The following PBRM1 variants were observed in gnomAD, a reference collection of about 807,000 sequenced individuals.
The protein encoded by PBRM1 is polybromo 1.
Under a neutral mutation model 194.5 loss-of-function variants are expected in PBRM1, and 27 were observed. That is an observed-to-expected ratio of 0.14 (90% CI 0.10 to 0.19). The LOEUF is 0.19. Ranked by LOEUF, PBRM1 falls within the 10% of genes least tolerant of loss-of-function variation. PBRM1 has a pLI of 1.00. For missense variants in PBRM1, 1,466 were observed against 2,077.2 expected, an observed-to-expected ratio of 0.71 and a Z score of 5.72; for synonymous variants, 655 against 693.2, an observed-to-expected ratio of 0.94 and a Z score of 0.87.
At chr3:52,671,580 C>T (rs1029722180) in intron 2 of PBRM1, among the ~76,000 whole-genome samples, 1 of 152,202 alleles carries the variant, frequency 6.6e-6, no homozygotes, top group Non-Finnish European at 1.5e-5. Context: ...CAAGTTCTCA[C>T]CTATAAACTG....
intron 16 of PBRM1, among the ~76,000 whole-genome samples, chr3:52,607,992 G>A (rs1188465676): frequency 6.6e-6 from 1 of 152,034 alleles, no homozygotes. Context: ...ATATCCTCTG[G>A]CCTATTCATT....
intron 18 of PBRM1, among the ~76,000 whole-genome samples, chr3:52,587,997 T>C (rs1485340015): frequency 6.6e-6 from 1 of 151,806 alleles, no homozygotes; most frequent in Non-Finnish European, 1.5e-5. Context: ...ACCCTGCTGA[T>C]TTTCTTATTT....
intron 21 of PBRM1, among the ~76,000 whole-genome samples, chr3:52,578,197 C>T (rs530876677): frequency 1.3e-5 from 2 of 152,284 alleles, no homozygotes; most frequent in Non-Finnish European, 1.5e-5. Flanking sequence ...CCATGGGACC[C>T]CCTTCTCCCC....
chr3:52,649,605 C>T (rs563881476), intron 6 of PBRM1, among the ~76,000 whole-genome samples: 5 of 152,296 alleles, frequency 3.3e-5, no homozygotes, highest in Non-Finnish European at 7.3e-5. Flanking sequence ...ATCCAATATG[C>T]TTTTCAAAAA....
At chr3:52,662,368 A>C in intron 3 of PBRM1, 92 bp from the exon 5 acceptor site, 1 of 1,081,862 alleles carries the variant, frequency 9.2e-7, no homozygotes, top group Non-Finnish European at 1.3e-6. Flanking sequence ...GCAAAGACCA[A>C]AAATTGTTAC....
At chr3:52,599,210 A>G (rs2093803483) in intron 17 of PBRM1, among the ~76,000 whole-genome samples, 1 of 151,984 alleles carries the variant, frequency 6.6e-6, no homozygotes, top group South Asian at 2.1e-4. Flanking sequence ...AATTGCACAT[A>G]TTTATGGAGT....
rs1014589136 is a variant in PBRM1, at chr3:52,658,327, G to A, written c.529-12C>T. 31 of 1,371,168 alleles carry A rather than the reference G, an allele frequency of 2.3e-5. No individual in the cohort carries two copies. Among genetic ancestry groups the A allele is most frequent in the Non-Finnish European group, 3.1e-5 (30 of 962,928 alleles). The allele number at this position is 1,371,168 out of a possible 1,614,324, so 84.9% of individuals were successfully genotyped here. ...TAAGCTGGAGAAGACTGGTAATGTG[G>A]AGAAAAAAGTACTTTCTAAGAGAAA... On this transcript the variant is annotated splice_polypyrimidine_tract_variant and intron_variant, in intron 4 of 29. Coordinates refer to ENST00000296302, the Ensembl canonical transcript of PBRM1.
At chr3:52,640,601 T>C (rs903608951) in intron 10 of PBRM1, among the ~76,000 whole-genome samples, 10 of 151,874 alleles carry the variant, frequency 6.6e-5, no homozygotes, top group African/African-American at 2.2e-4. Flanking sequence ...AACTTTCTTA[T>C]GTTTTTATAT....
intron 13 of PBRM1, 129 bp downstream of exon 15, chr3:52,624,768 A>G: frequency 1.5e-6 from 1 of 650,096 alleles, no homozygotes; most frequent in South Asian, 1.9e-5. Context: ...TATTCATAAA[A>G]TAAACTGGCA....
intron 21 of PBRM1, 79 bp from the exon 24 acceptor site, chr3:52,576,777 A>C: frequency 9.2e-7 from 1 of 1,090,056 alleles, no homozygotes; most frequent in Non-Finnish European, 1.3e-6. Context: ...CGCATTAACC[A>C]AAAACTTAGT....
In PBRM1 at chr3:52,605,684, C is replaced by A. The variant is rs2094307635; in HGVS notation, c.2568-1952G>T. On this transcript the variant is annotated intron_variant, in intron 16 of 29. Transcript: ENST00000296302. ...GTGGTGCGGTCTCAGCTCATTGCAA[C>A]CTCTGCCTCCCAGGTTCAAGCGATT... is the stretch of plus-strand genomic sequence containing the variant. Among the ~76,000 whole-genome samples the A allele has an allele frequency of 1.3e-5, 2 of 149,252 alleles. 1 individual carries two copies. Among genetic ancestry groups the A allele is most frequent in the South Asian group, 4.2e-4 (2 of 4,708 alleles).
intron 22 of PBRM1, among the ~76,000 whole-genome samples, chr3:52,575,004 T>A (rs1040942250): frequency 2.6e-5 from 4 of 152,120 alleles, no homozygotes; most frequent in Admixed American, 2.6e-4. Flanking sequence ...TGGGCTCAAG[T>A]GATCCTACCA....
rs186982566 is a variant in PBRM1 at position 52,577,050 on chromosome 3, C to T, written c.3534-352G>A. On this transcript the variant is annotated intron_variant, in intron 21 of 29. Coordinates refer to ENST00000296302, the Ensembl canonical transcript of PBRM1. ...ATTGGACTTGTGAACCAAACAAAGA[C>T]ATAAAACATCAATATTTGGGGTCAG... Among the ~76,000 whole-genome samples the T allele has an allele frequency of 4.6e-5, 7 of 151,896 alleles. No individual in the cohort carries two copies. The East Asian group carries it at 1.2e-3, about 25-fold the overall frequency.
chr3:52,562,066 A>G, intron 24 of PBRM1, 98 bp from the exon 27 acceptor site: 1 of 863,550 alleles, frequency 1.2e-6, no homozygotes, highest in Non-Finnish European at 2.0e-6. Flanking sequence ...TCACACCTGT[A>G]ATCCCAGCAC....
intron 20 of PBRM1, among the ~76,000 whole-genome samples, chr3:52,582,602 CAGGTG>C (rs1357708640): frequency 2.0e-5 from 3 of 151,640 alleles, no homozygotes; most frequent in African/African-American, 4.8e-5. Context: ...GCTGGGATTA[CAGGTG>C]TGAGCCACTG....
At chr3:52,627,155 C>T (rs1303088297) in intron 13 of PBRM1, 118 bp downstream of exon 14, 7 of 565,660 alleles carry the variant, frequency 1.2e-5, no homozygotes, top group Admixed American at 1.0e-4. Flanking sequence ...AAAGAGAACA[C>T]ATTACCATTT....
chr3:52,679,197 T>TA (rs1405727357), intron 1 of PBRM1, among the ~76,000 whole-genome samples: 1 of 152,230 alleles, frequency 6.6e-6, no homozygotes, highest in Non-Finnish European at 1.5e-5. Context: ...CACTTATTAC[T>TA]AGCTAAGGAT....
At chr3:52,684,405 C>T (rs935971403), upstream of PBRM1, among the ~76,000 whole-genome samples, 44 of 152,044 alleles carry the variant, frequency 2.9e-4, no homozygotes, top group African/African-American at 1.0e-3. Flanking sequence ...GTATTTCGAC[C>T]GTTTATGAAC....
intron 12 of PBRM1, among the ~76,000 whole-genome samples, chr3:52,628,474 A>ATTGTTTGT (rs36059845): frequency 2.0e-5 from 3 of 147,580 alleles, no homozygotes; most frequent in Admixed American, 1.4e-4. Context: ...TATTATATAT[A>ATTGTTTGT]TTGTTTGTTT....
Sources: allele counts gnomAD v4.1 joint callset (sites outside exome capture counted in the v4.1 genomes callset), GRCh38; gene constraint gnomAD v4.1.1; transcripts MANE v1.5; gene names NCBI Gene and HGNC (gene_info 2026-07-23, HGNC 2026-07-21).